Variants in CDH13 observed in about 807,000 individuals in gnomAD.
CDH13 encodes cadherin-13.
A neutral mutation model predicts 63.8 loss-of-function variants in CDH13; 24 were observed. The observed-to-expected ratio is 0.38, with a 90% confidence interval of 0.27 to 0.53. CDH13 has a LOEUF of 0.53. CDH13 is among the 20% of genes least tolerant of loss of function. The probability of loss-of-function intolerance (pLI) is 0.85; values close to 1 mark genes in which losing one functional copy is unlikely to be tolerated. For synonymous variants in CDH13, 503 were observed against 355.3 expected (o/e 1.42, Z -4.67); for missense variants, 1,049 against 903.1 (o/e 1.16, Z -2.07).
chr16:83,414,966 T>C (rs1180377176), intron 6 of CDH13, among the ~76,000 whole-genome samples: 1 of 152,030 alleles, frequency 6.6e-6, no homozygotes. Context: ...TGCTGGGTCA[T>C]ATGGTAGAAA....
chr16:82,736,340 G>A (rs2033672315), intron 1 of CDH13, among the ~76,000 whole-genome samples: 3 of 152,072 alleles, frequency 2.0e-5, no homozygotes, highest in Admixed American at 1.3e-4. Context: ...GTTGTTAAGG[G>A]AAGAAAAAAA....
At chr16:83,595,731 C>A (rs1907191214) in intron 7 of CDH13, among the ~76,000 whole-genome samples, 1 of 152,200 alleles carries the variant, frequency 6.6e-6, no homozygotes, top group Admixed American at 6.5e-5. Flanking sequence ...CCACACAAGT[C>A]CATTTGACTG....
chr16:83,380,870 G>C (rs780240409), intron 6 of CDH13, among the ~76,000 whole-genome samples: 3 of 150,358 alleles, frequency 2.0e-5, no homozygotes, highest in Non-Finnish European at 2.9e-5. Flanking sequence ...AAAAAGAGAA[G>C]AGTGTATATT....
chr16:82,690,287 C>G (rs1375272875), intron 1 of CDH13, among the ~76,000 whole-genome samples: 1 of 151,740 alleles, frequency 6.6e-6, no homozygotes, highest in Non-Finnish European at 1.5e-5. Flanking sequence ...ACTGTGTAGA[C>G]TACCAGAAAG....
chr16:83,009,215 T>C (rs1360206612), intron 2 of CDH13, among the ~76,000 whole-genome samples: 2 of 152,228 alleles, frequency 1.3e-5, no homozygotes, highest in Non-Finnish European at 2.9e-5. Context: ...ATTGGGTCTT[T>C]TGATATTAGC....
At chr16:82,628,614 G>A (rs965898800) in intron 1 of CDH13, among the ~76,000 whole-genome samples, 1 of 152,180 alleles carries the variant, frequency 6.6e-6, no homozygotes, top group East Asian at 1.9e-4. Context: ...ATTAAGGACT[G>A]CCCAGTTATA....
At position 83,678,755 on chromosome 16, in the gene CDH13, G is replaced by A. The variant is rs962683889; in HGVS notation, c.1538+294G>A. Among the ~76,000 whole-genome samples, 9 of 152,266 alleles carry A rather than the reference G, an allele frequency of 5.9e-5. No homozygotes were observed. The East Asian group carries it at 1.4e-3, about 23-fold the overall frequency. ...CTGGCCCTGAGCACAGTCCTTGAAC[G>A]GAGAGAGAAGGGAGCCACTCTGGGT... On this transcript the variant is annotated intron_variant, in intron 10 of 13. Transcript: ENST00000567109.
chr16:82,806,537 A>C (rs193220940), intron 1 of CDH13, among the ~76,000 whole-genome samples: 1 of 152,262 alleles, frequency 6.6e-6, no homozygotes, highest in Admixed American at 6.5e-5. Flanking sequence ...CTCTCTCCTG[A>C]GGCAATTAAA....
chr16:83,794,610 G>T (rs1916483792), intron 13 of CDH13, among the ~76,000 whole-genome samples: 1 of 149,340 alleles, frequency 6.7e-6, no homozygotes, highest in African/African-American at 2.5e-5. Context: ...TCTGTGACTT[G>T]TGATCCTTAA....
chr16:82,812,966 C>T (rs892042812), intron 1 of CDH13, among the ~76,000 whole-genome samples: 1 of 152,020 alleles, frequency 6.6e-6, no homozygotes, highest in Non-Finnish European at 1.5e-5. Flanking sequence ...AAAGGCTAGA[C>T]TTCAAAACAT....
chr16:83,623,572 C>T (rs887988496), intron 8 of CDH13, among the ~76,000 whole-genome samples: 3 of 152,126 alleles, frequency 2.0e-5, no homozygotes, highest in Non-Finnish European at 4.4e-5. Flanking sequence ...CACTTTTTCC[C>T]GGCAGCTCTA....
chr16:83,741,815 C>G (rs1171982188), intron 10 of CDH13, among the ~76,000 whole-genome samples: 1 of 144,694 alleles, frequency 6.9e-6, no homozygotes, highest in Non-Finnish European at 1.5e-5. Flanking sequence ...CCACGGACGG[C>G]CCCAACCCCT....
chr16:83,204,773 G>C (rs1162709073), intron 4 of CDH13, among the ~76,000 whole-genome samples: 1 of 152,188 alleles, frequency 6.6e-6, no homozygotes, highest in Admixed American at 6.5e-5. Flanking sequence ...AGAAGGTTAG[G>C]TGGGAACTGT....
intron 1 of CDH13, among the ~76,000 whole-genome samples, chr16:82,719,806 A>T (rs1030548864): frequency 7.0e-6 from 1 of 143,010 alleles, no homozygotes; most frequent in Admixed American, 7.5e-5. Flanking sequence ...AGATCACGCC[A>T]CTGCACTCCA....
chr16:83,397,318 A>C (rs1191321341), intron 6 of CDH13: 1 of 152,236 alleles, frequency 6.6e-6, no homozygotes, highest in Non-Finnish European at 1.5e-5. Context: ...CAACCCTTCC[A>C]GCTATGGAAG....
At chr16:82,719,005 T>C (rs544914892) in intron 1 of CDH13, among the ~76,000 whole-genome samples, 2 of 152,322 alleles carry the variant, frequency 1.3e-5, no homozygotes, top group South Asian at 4.1e-4. Flanking sequence ...GCCTGTGCCT[T>C]GACATTTGTT....
intron 5 of CDH13, among the ~76,000 whole-genome samples, chr16:83,298,762 G>A (rs988558095): frequency 6.6e-6 from 1 of 152,200 alleles, no homozygotes; most frequent in Non-Finnish European, 1.5e-5. Flanking sequence ...CAGTATGCCT[G>A]CTTCACTGAG....
chr16:82,849,813 C>G lies in CDH13; in HGVS notation c.46-8549C>G, dbSNP rs535126858. ...AGGGCCCTTAAGAATTGTGCTGAAT[C>G]TACTCTGCGTGTGCTCTACAAAAGG... On this transcript the variant is annotated intron_variant, in intron 1 of 13. Transcript: ENST00000567109. 2.6e-5 allele frequency among the ~76,000 whole-genome samples: 4 copies of G among 152,300 alleles called. No homozygotes were observed. In the East Asian group the frequency reaches 7.7e-4, roughly 29 times the overall value.
intron 2 of CDH13, among the ~76,000 whole-genome samples, chr16:82,943,548 A>G (rs953248199): frequency 1.3e-5 from 2 of 152,194 alleles, no homozygotes; most frequent in Admixed American, 6.5e-5. Flanking sequence ...TCTTCCTTCC[A>G]TAAGAGGCTC....
Sources: allele counts gnomAD v4.1 joint callset (sites outside exome capture counted in the v4.1 genomes callset), GRCh38; gene constraint gnomAD v4.1.1; transcripts MANE v1.5; gene names NCBI Gene and HGNC (gene_info 2026-07-23, HGNC 2026-07-21).